The following CNKSR1 variants were observed in gnomAD, a reference collection of about 807,000 sequenced individuals.
CNKSR1 encodes the protein connector enhancer of kinase suppressor of Ras 1.
CNKSR1 carries 88 observed loss-of-function variants against 95.6 expected under a neutral mutation model. The observed-to-expected ratio is 0.92, with a 90% CI of 0.78 to 1.10. The LOEUF (loss-of-function observed/expected upper bound fraction) is 1.10, where lower values mean the gene tolerates loss of function less well. CNKSR1 is among the 50% of genes least tolerant of loss of function. The pLI is 0.00. For missense variants in CNKSR1, 836 were observed against 912.0 expected (o/e 0.92, Z 1.07); for synonymous variants, 355 against 369.7 (o/e 0.96, Z 0.46).
Position 26,182,373 on chromosome 1 carries a change from G to T in CNKSR1, c.490G>T (p.Ala164Ser). 1 of 1,614,088 alleles carries T rather than the reference G, an allele frequency of 6.2e-7. No homozygotes were observed. The change falls in exon 5 of 21, where the codon GCT becomes TCT. Residue 164 changes from alanine (A) to serine (S), a missense_variant. Coordinates refer to ENST00000361530, the MANE Select transcript of CNKSR1 (RefSeq NM_006314.3). ...ATTCTACTTCCAGGATGGTCCAGCG[G>T]CTGAGAAGGAGGGCACAGTCCTGAG... ...SQVLHEDGPA[A>S]EKEGTVLRIC...
At position 26,182,347 on chromosome 1, in the gene CNKSR1, C is replaced by T. The variant is rs2088660855; in HGVS notation, c.478-14C>T. ...TGCTCAGGGGAGGCCCCTGCTCTCT[C>T]ATTCTACTTCCAGGATGGTCCAGCG... On this transcript the variant is annotated splice_polypyrimidine_tract_variant and intron_variant, in intron 4 of 20. Coordinates refer to ENST00000361530, the MANE Select transcript of CNKSR1 (RefSeq NM_006314.3). The T allele has an allele frequency of 1.2e-6, 2 of 1,613,916 alleles. No individual in the cohort carries two copies. Among genetic ancestry groups the T allele is most frequent in the South Asian group, 2.2e-5 (2 of 91,082 alleles).
chr1:26,187,865 C>T (rs1158393389), intron 16 of CNKSR1, among the ~76,000 whole-genome samples: 1 of 152,016 alleles, frequency 6.6e-6, no homozygotes, highest in Non-Finnish European at 1.5e-5. Context: ...TTGTGATCCG[C>T]CTGCCTCGGC....
Position 26,188,630 on chromosome 1 carries a change from T to A in CNKSR1, c.1623T>A (p.His541Gln). ...PSPAQAGSPL[H>Q]GDTSPAATPT... ...CTGCTCAAGCTGGGAGTCCCCTCCA[T>A]GGAGACACATCACCTGCAGCCACCC... The change falls in exon 19 of 21, where the codon CAT becomes CAA. Residue 541 changes from histidine to glutamine, a missense_variant. His to Gln is a conservative substitution (Grantham distance 24). Coordinates refer to ENST00000361530, the MANE Select transcript of CNKSR1 (RefSeq NM_006314.3). 6.2e-7 allele frequency: 1 copy of A among 1,613,836 alleles called. No individual in the cohort carries two copies. The highest frequency in any genetic ancestry group is 8.5e-7 in the Non-Finnish European group (1 of 1,179,872).
rs2088790410 is a variant in CNKSR1, at chr1:26,188,233, G to A, written c.1455-1G>A. The A allele has an allele frequency of 6.2e-7, 1 of 1,614,048 alleles. No homozygotes were observed. Among genetic ancestry groups the A allele is most frequent in the East Asian group, 2.2e-5 (1 of 44,866 alleles). On this transcript the variant is annotated splice_acceptor_variant, in intron 16 of 20. Transcript: ENST00000361530. LOFTEE classifies it high-confidence loss of function. Reference sequence around the variant, plus strand: ...CTGTGAGACCTGCTTGCTCTCCATAGGTGGGTGCGTCATCTCATTACCTGC... The same window carrying A: ...CTGTGAGACCTGCTTGCTCTCCATAAGTGGGTGCGTCATCTCATTACCTGC...
chr1:26,189,691 C>A lies in CNKSR1; in HGVS notation c.*143C>A, dbSNP rs889742446. 2.6e-6 allele frequency: 2 copies of A among 761,378 alleles called. No homozygotes were observed. Among genetic ancestry groups the A allele is most frequent in the African/African-American group, 1.7e-5 (1 of 58,796 alleles). The allele number at this position is 761,378 out of a possible 1,614,324, so 47.2% of individuals were successfully genotyped here. On this transcript the variant is annotated 3_prime_UTR_variant, in exon 21 of 21. Coordinates refer to ENST00000361530, the MANE Select transcript of CNKSR1 (RefSeq NM_006314.3). ...AGTCATGGTCTCACCCCGAGCTGACCCCTCTGCCTGGGCTTTGTGCCACCC... is the reference window on the plus strand; with the variant it reads ...AGTCATGGTCTCACCCCGAGCTGACACCTCTGCCTGGGCTTTGTGCCACCC...
chr1:26,180,454 T>C lies in CNKSR1; in HGVS notation c.54T>C (p.Gly18=). ...TPGKVATWLR[G]LDDSLQDYPF... ...AGCTGAGCCTTACTCTCCCTCCAGG[T>C]CTTGACGACTCCCTGCAGGACTATC... Residue 18 remains glycine, a splice_region_variant and synonymous_variant, in exon 2 of 21, where the codon GGT becomes GGC. Coordinates refer to ENST00000361530, the MANE Select transcript of CNKSR1 (RefSeq NM_006314.3). 2 of 1,613,808 alleles carry C rather than the reference T, an allele frequency of 1.2e-6. No homozygotes were observed. Among genetic ancestry groups the C allele is most frequent in the Non-Finnish European group, 1.7e-6 (2 of 1,180,024 alleles).
Position 26,189,806 on chromosome 1 carries a change from C to T in CNKSR1, c.*258C>T, listed in dbSNP as rs774166547. On this transcript the variant is annotated 3_prime_UTR_variant, in exon 21 of 21. Transcript: ENST00000361530. ...CCTCCAGTTCCTTGGCAGTTCTCCC[C>T]CAAACCAGGTCTGTACAGGTGTTCT... The T allele has an allele frequency of 3.4e-4, 235 of 692,222 alleles. No homozygotes were observed. The highest frequency in any genetic ancestry group is 5.2e-4 in the Non-Finnish European group (199 of 379,928). The allele number at this position is 692,222 out of a possible 1,614,324, so 42.9% of individuals were successfully genotyped here.
chr1:26,178,452 C>T (rs779707567), intron 1 of CNKSR1, among the ~76,000 whole-genome samples: 3 of 152,298 alleles, frequency 2.0e-5, no homozygotes, highest in Non-Finnish European at 2.9e-5. Context: ...CCAGGCTCAG[C>T]GAGCCCACAC....
chr1:26,184,203 G>T lies in CNKSR1; in HGVS notation c.927-11G>T, dbSNP rs751128178. The T allele has an allele frequency of 3.7e-6, 6 of 1,612,614 alleles. No individual in the cohort carries two copies. Among genetic ancestry groups the T allele is most frequent in the Non-Finnish European group, 3.4e-6 (4 of 1,179,562 alleles). The stretch of plus-strand genomic sequence containing the variant: ...ACCGTGGGCTCATCTCATCCCCCTT[G>T]CCCTCCCCAGGGCCCCATCTGAAGA... On this transcript the variant is annotated splice_polypyrimidine_tract_variant and intron_variant, in intron 10 of 20. Transcript: ENST00000361530.
In CNKSR1 at chr1:26,183,334, T is replaced by A; in HGVS notation, c.685-12T>A. On this transcript the variant is annotated splice_polypyrimidine_tract_variant and intron_variant, in intron 7 of 20. Coordinates refer to ENST00000361530, the MANE Select transcript of CNKSR1 (RefSeq NM_006314.3). ...AAGCCAGGCCAACCTCAGGCCCCAT[T>A]CCCCACGTCAGGTTCCCACTGACTC... 1 of 1,613,980 alleles carries A rather than the reference T, an allele frequency of 6.2e-7. No individual in the cohort carries two copies. Among genetic ancestry groups the A allele is most frequent in the Non-Finnish European group, 8.5e-7 (1 of 1,179,950 alleles).
Position 26,182,237 on chromosome 1 carries a change from G to T in CNKSR1, c.478-124G>T, listed in dbSNP as rs2088658893. Reference sequence around the variant, plus strand: ...AAACGCTGAGGCCCTGTGGTTCTGGGCAGGGGGCCAGTGTAGGGAAGGCAG... The same window carrying T: ...AAACGCTGAGGCCCTGTGGTTCTGGTCAGGGGGCCAGTGTAGGGAAGGCAG... On this transcript the variant is annotated intron_variant, in intron 4 of 20. Transcript: ENST00000361530. The T allele has an allele frequency of 5.0e-6, 5 of 1,007,364 alleles. No homozygotes were observed. The Admixed American group carries it at 8.1e-5, about 16-fold the overall frequency. The allele number at this position is 1,007,364 out of a possible 1,614,324, so 62.4% of individuals were successfully genotyped here. A position where few individuals can be genotyped will look rare whatever the true frequency, so the allele number is the denominator to read the frequency against.
intron 1 of CNKSR1, among the ~76,000 whole-genome samples, chr1:26,178,565 G>C (rs1047621302): frequency 6.6e-6 from 1 of 152,168 alleles, no homozygotes; most frequent in Admixed American, 6.5e-5. Context: ...TCCCAGAGTG[G>C]GGAGCTGGAG....
rs142479267 is a variant in CNKSR1, at chr1:26,188,319, G to C, written c.1528+12G>C. The C allele has an allele frequency of 1.2e-6, 2 of 1,613,800 alleles. No homozygotes were observed. The highest frequency in any genetic ancestry group is 4.5e-5 in the East Asian group (2 of 44,858). ...ACCCCGAGAGGAAGGTAGGTGTCTC[G>C]CAGGGTTGAGTGGGAGGAACCCTCA... On this transcript the variant is annotated intron_variant, in intron 17 of 20. Coordinates refer to ENST00000361530, the MANE Select transcript of CNKSR1 (RefSeq NM_006314.3).
In CNKSR1 at chr1:26,189,093, G is replaced by A. The variant is rs1486623287; in HGVS notation, c.1872+140G>A. 8.5e-5 allele frequency: 107 copies of A among 1,264,012 alleles called. 2 individuals carry two copies. In the South Asian group the frequency reaches 1.1e-3, roughly 13 times the overall value. The allele number at this position is 1,264,012 out of a possible 1,614,324, so 78.3% of individuals were successfully genotyped here. A position where few individuals can be genotyped will look rare whatever the true frequency, so the allele number is the denominator to read the frequency against. On this transcript the variant is annotated intron_variant, in intron 20 of 20. Transcript: ENST00000361530. ...GACCCTGGGCTTAGCAGCTGACAGCGGGCTCAGCTGTGGACTGGGCCAGGC... is the reference window on the plus strand; with the variant it reads ...GACCCTGGGCTTAGCAGCTGACAGCAGGCTCAGCTGTGGACTGGGCCAGGC...
chr1:26,188,251 T>C lies in CNKSR1; in HGVS notation c.1472T>C (p.Ile491Thr). 2 of 1,614,064 alleles carry C rather than the reference T, an allele frequency of 1.2e-6. No homozygotes were observed. The highest frequency in any genetic ancestry group is 1.7e-6 in the Non-Finnish European group (2 of 1,179,994). The change falls in exon 17 of 21, where the codon ATT becomes ACT. Residue 491 changes from isoleucine to threonine, a missense_variant. By Grantham distance (89) the Ile-to-Thr change is moderately conservative. Transcript: ENST00000361530. Reference protein sequence around the residue: ...TDLSMWVRHLITCISKYQSPG... With the variant: ...TDLSMWVRHLTTCISKYQSPG... ...CTCCATAGGTGGGTGCGTCATCTCA[T>C]TACCTGCATCTCCAAGTACCAGTCT...
At chr1:26,184,375 C>A (rs2088706523) in intron 11 of CNKSR1, 26 bp from the exon 12 acceptor site, 3 of 1,606,794 alleles carry the variant, frequency 1.9e-6, no homozygotes, top group Non-Finnish European at 2.6e-6. Flanking sequence ...CATAGACTTT[C>A]CCTCTCTCTC....
At chr1:26,187,579 C>G (rs965864643) in intron 16 of CNKSR1, 97 bp downstream of exon 16, 21 of 1,209,356 alleles carry the variant, frequency 1.7e-5, no homozygotes, top group Non-Finnish European at 2.6e-5. Flanking sequence ...CAAATTCCAG[C>G]TCTCTGAGAG....
intron 7 of CNKSR1, 25 bp from the exon 8 acceptor site, chr1:26,183,321 C>A: frequency 6.2e-7 from 1 of 1,614,202 alleles, no homozygotes; most frequent in East Asian, 2.2e-5. Flanking sequence ...GCCAGGCCAA[C>A]CTCAGGCCCC....
At position 26,189,474 on chromosome 1, in the gene CNKSR1, C is replaced by T. The variant is rs190688966; in HGVS notation, c.2068C>T (p.Pro690Ser). ...CACAGAACAGTCCCCCCACTCCCTG[C>T]CCTCTGACCCTGAAGAGCACTCCCA... ...DSTEQSPHSL[P>S]SDPEEHSHLC... is the part of the protein sequence containing the mutation. The change falls in exon 21 of 21, where the codon CCC becomes TCC. Residue 690 changes from proline (P) to serine (S), a missense_variant. Physicochemically the swap from Pro to Ser is moderately conservative, Grantham distance 74. Coordinates refer to ENST00000361530, the MANE Select transcript of CNKSR1 (RefSeq NM_006314.3). 1.3e-4 allele frequency: 206 copies of T among 1,613,886 alleles called. 1 individual carries two copies. The highest frequency in any genetic ancestry group is 1.0e-3 in the East Asian group (45 of 44,876).
Sources: gnomAD v4.1 joint callset for allele counts (sites outside exome capture counted in the v4.1 genomes callset) on GRCh38, gnomAD v4.1.1 for gene constraint, MANE v1.5 for transcripts, NCBI Gene and HGNC (gene_info 2026-07-23, HGNC 2026-07-21) for gene names.